NRXN3: variants seen among roughly 807,000 people sequenced by gnomAD.
NRXN3 encodes the protein neurexin 3, also known as neurexin III.
A neutral mutation model predicts 137.6 loss-of-function variants in NRXN3; 32 were observed. The observed-to-expected ratio is 0.23, with a 90% CI of 0.18 to 0.31. The LOEUF is 0.31. Ranked by LOEUF, NRXN3 falls within the 10% of genes least tolerant of loss-of-function variation. The probability of loss-of-function intolerance (pLI) is 1.00; values close to 1 mark genes in which losing one functional copy is unlikely to be tolerated. For missense variants in NRXN3, 1,574 were observed against 2,062.5 expected (o/e 0.76, Z 4.59); for synonymous variants, 798 against 784.5 (o/e 1.02, Z -0.29).
chr14:79,156,100 C>T (rs989714894), intron 15 of NRXN3, among the ~76,000 whole-genome samples: 2 of 151,824 alleles, frequency 1.3e-5, no homozygotes, highest in African/African-American at 4.8e-5. Context: ...ACAACCATCA[C>T]AACAAGAAAC....
intron 15 of NRXN3, among the ~76,000 whole-genome samples, chr14:79,305,257 GAT>G (rs1170278741): frequency 6.6e-6 from 1 of 152,060 alleles, no homozygotes; most frequent in Non-Finnish European, 1.5e-5. Context: ...TAAATACTCA[GAT>G]AAATGCCAGT....
At position 79,677,499 on chromosome 14, in the gene NRXN3, AT is replaced by A. The variant is rs1221211838; in HGVS notation, c.3616+13557del. Among the ~76,000 whole-genome samples, 14 of 151,976 alleles carry A rather than the reference AT, an allele frequency of 9.2e-5. 1 individual carries two copies. In the South Asian group the frequency reaches 2.1e-3, roughly 22 times the overall value. On this transcript the variant is annotated intron_variant, in intron 17 of 20. Transcript: ENST00000335750. ...ATGAATAGCTGGATTAGTTTACTGA[AT>A]TTTTTTCTGTGGTATGGGTGGCACT...
chr14:79,492,366 C>T (rs542277086), intron 16 of NRXN3, among the ~76,000 whole-genome samples: 2 of 151,908 alleles, frequency 1.3e-5, no homozygotes, highest in South Asian at 2.1e-4. Context: ...TTAGTGCTAA[C>T]GTATCAATCT....
chr14:78,532,349 A>G (rs2096477212), intron 4 of NRXN3, among the ~76,000 whole-genome samples: 1 of 149,224 alleles, frequency 6.7e-6, no homozygotes, highest in Non-Finnish European at 1.5e-5. Context: ...AAAAGAAAAG[A>G]AAAGAAAAAG....
chr14:79,353,923 T>G (rs1325185734), intron 15 of NRXN3, among the ~76,000 whole-genome samples: 1 of 152,192 alleles, frequency 6.6e-6, no homozygotes, highest in African/African-American at 2.4e-5. Context: ...GGTCATCAAC[T>G]CGGATAAGGC....
intron 4 of NRXN3, among the ~76,000 whole-genome samples, chr14:78,500,116 G>A (rs2095855247): frequency 1.3e-5 from 2 of 152,036 alleles, no homozygotes; most frequent in South Asian, 4.2e-4. Flanking sequence ...GCTTTATTTT[G>A]CCTAATTTTA....
chr14:78,707,209 T>C (rs774580330), intron 6 of NRXN3, among the ~76,000 whole-genome samples: 1 of 152,170 alleles, frequency 6.6e-6, no homozygotes, highest in Non-Finnish European at 1.5e-5. Flanking sequence ...GGAAACAGAC[T>C]CAGAAAATTT....
chr14:78,260,507 G>C (rs1245116499), intron 2 of NRXN3, among the ~76,000 whole-genome samples: 1 of 152,188 alleles, frequency 6.6e-6, no homozygotes, highest in African/African-American at 2.4e-5. Flanking sequence ...AAGTTGAAAT[G>C]GTTTGGCTCT....
intron 20 of NRXN3, among the ~76,000 whole-genome samples, chr14:79,860,230 C>G (rs953098102): frequency 4.6e-5 from 7 of 151,796 alleles, no homozygotes; most frequent in Non-Finnish European, 1.0e-4. Flanking sequence ...TTTGCTAAGT[C>G]AACATTTCTG....
At chr14:78,849,411 G>A (rs2099036577) in intron 10 of NRXN3, among the ~76,000 whole-genome samples, 2 of 152,044 alleles carry the variant, frequency 1.3e-5, no homozygotes, top group South Asian at 4.1e-4. Flanking sequence ...ACCAATGGCA[G>A]GAGAATTACA....
intron 15 of NRXN3, among the ~76,000 whole-genome samples, chr14:79,443,468 G>A (rs957548280): frequency 1.3e-5 from 2 of 152,112 alleles, no homozygotes. Context: ...GGATAAAAAA[G>A]CTTCATAAAG....
At chr14:79,303,025 G>A (rs371026630) in intron 15 of NRXN3, among the ~76,000 whole-genome samples, 8 of 151,798 alleles carry the variant, frequency 5.3e-5, no homozygotes, top group South Asian at 2.1e-4. Context: ...CATCCAAACC[G>A]TATCAACAGG....
At chr14:78,384,851 T>C (rs2089701009) in intron 4 of NRXN3, among the ~76,000 whole-genome samples, 1 of 152,212 alleles carries the variant, frequency 6.6e-6, no homozygotes, top group African/African-American at 2.4e-5. Flanking sequence ...AGAATGCTGC[T>C]CGTTTTATCC....
At chr14:79,113,915 T>A (rs2053966051) in intron 15 of NRXN3, among the ~76,000 whole-genome samples, 1 of 152,146 alleles carries the variant, frequency 6.6e-6, no homozygotes, top group African/African-American at 2.4e-5. Context: ...TTCTAACGAG[T>A]TCCCAGATAC....
chr14:79,344,903 C>T (rs2092791742), intron 15 of NRXN3, among the ~76,000 whole-genome samples: 1 of 152,116 alleles, frequency 6.6e-6, no homozygotes, highest in African/African-American at 2.4e-5. Flanking sequence ...ATTTTTATGG[C>T]TCAGAGGGAA....
At chr14:78,252,334 G>C (rs1220347590) in intron 2 of NRXN3, among the ~76,000 whole-genome samples, 1 of 152,108 alleles carries the variant, frequency 6.6e-6, no homozygotes, top group Non-Finnish European at 1.5e-5. Context: ...CCATCCAAAG[G>C]TATGCAAGGG....
chr14:79,069,386 G>A (rs2062746), intron 15 of NRXN3, among the ~76,000 whole-genome samples: 76,406 of 151,788 alleles, frequency 0.5, 22,451 homozygotes, highest in East Asian at 0.78. Flanking sequence ...ATAACTATTT[G>A]CTGATCTGAA....
At chr14:78,983,097 C>T (rs545172957) in intron 14 of NRXN3, among the ~76,000 whole-genome samples, 5 of 152,114 alleles carry the variant, frequency 3.3e-5, no homozygotes, top group African/African-American at 4.8e-5. Flanking sequence ...TATCACCTTG[C>T]ACCTATTAAA....
chr14:79,130,539 G>A (rs866083480), intron 15 of NRXN3, among the ~76,000 whole-genome samples: 2,515 of 152,032 alleles, frequency 0.017, 55 homozygotes, highest in African/African-American at 0.055. Flanking sequence ...AGTTTCTGCC[G>A]AGAGATCAGC....
Sources: allele counts gnomAD v4.1 joint callset (sites outside exome capture counted in the v4.1 genomes callset), GRCh38; gene constraint gnomAD v4.1.1; transcripts MANE v1.5; gene names NCBI Gene and HGNC (gene_info 2026-07-23, HGNC 2026-07-21).